TNK2: variants seen among roughly 807,000 people sequenced by gnomAD.
The protein encoded by TNK2 is tyrosine kinase non receptor 2, also known as activated CDC42 kinase 1.
In TNK2, 83 loss-of-function variants were observed where a neutral mutation model predicts 101.8. That is an observed-to-expected ratio of 0.82 (90% CI 0.68 to 0.98). TNK2 has a LOEUF of 0.98. Among genes scored for constraint, TNK2 ranks in the 50% least tolerant of loss-of-function variants. The pLI, the probability that TNK2 is intolerant of heterozygous loss-of-function variation, is 0.00. For synonymous variants in TNK2, 804 were observed against 633.0 expected (o/e 1.27, Z -4.06); for missense variants, 1,665 against 1,483.2 (o/e 1.12, Z -2.01).
At chr3:195,907,219 G>A (rs1397001550) in intron 1 of TNK2, among the ~76,000 whole-genome samples, 1 of 152,232 alleles carries the variant, frequency 6.6e-6, no homozygotes, top group Non-Finnish European at 1.5e-5. Flanking sequence ...AGAAGCGTCA[G>A]GCACCGTGGG....
chr3:195,868,261 G>C lies in TNK2; in HGVS notation c.2037C>G (p.Ser679Arg). The C allele has an allele frequency of 6.2e-7, 1 of 1,604,444 alleles. No individual in the cohort carries two copies. Among genetic ancestry groups the C allele is most frequent in the South Asian group, 1.1e-5 (1 of 91,054 alleles). Reference protein sequence around the residue: ...LVGAGVPAGPSQGQTNYAFVP... With the variant: ...LVGAGVPAGPRQGQTNYAFVP... Reference sequence around the variant, plus strand: ...CAAAGGCGTAGTTGGTCTGGCCCTGGCTGGGCCCGGCAGGGACCCCCGCGC... The same window carrying C: ...CAAAGGCGTAGTTGGTCTGGCCCTGCCTGGGCCCGGCAGGGACCCCCGCGC... Residue 679 changes from serine to arginine, a missense_variant, in exon 13 of 16, where the codon AGC becomes AGG. Ser to Arg is a moderately radical substitution (Grantham distance 110). Around this residue, in one of 3 missense-constraint regions of TNK2, gnomAD observed 1,136 missense variants for 894.9 expected, o/e 1.27. Coordinates refer to ENST00000672887, the MANE Select transcript of TNK2 (RefSeq NM_001382273.1).
intron 9 of TNK2, among the ~76,000 whole-genome samples, chr3:195,874,429 AG>A (rs1389225434): frequency 2.0e-5 from 3 of 152,242 alleles, no homozygotes; most frequent in African/African-American, 7.2e-5. Context: ...ACACCACTCG[AG>A]AAAACATGCT....
intron 1 of TNK2, among the ~76,000 whole-genome samples, chr3:195,891,243 C>T (rs1276913831): frequency 6.6e-6 from 1 of 152,164 alleles, no homozygotes; most frequent in Non-Finnish European, 1.5e-5. Flanking sequence ...CCCATCTCTA[C>T]TGAAAATAGA....
intron 4 of TNK2, chr3:195,884,446 C>T: frequency 5.5e-6 from 1 of 182,714 alleles, no homozygotes; most frequent in Non-Finnish European, 1.1e-5. Flanking sequence ...AGTTCGAGAC[C>T]AGCCTGGCCA....
chr3:195,880,190 G>C (rs1751598969), intron 6 of TNK2, among the ~76,000 whole-genome samples: 2 of 152,056 alleles, frequency 1.3e-5, no homozygotes, highest in Admixed American at 6.5e-5. Context: ...CCACACAGGG[G>C]CCAGGGCAGG....
chr3:195,892,084 G>C, intron 1 of TNK2: 1 of 847,402 alleles, frequency 1.2e-6, no homozygotes, highest in Non-Finnish European at 1.5e-6. Context: ...TCCCCCTCCA[G>C]CCCAAGGTTC....
chr3:195,867,400 A>G lies in TNK2; in HGVS notation c.2898T>C (p.Asp966=). 1.9e-6 allele frequency: 3 copies of G among 1,605,312 alleles called. No homozygotes were observed. The highest frequency in any genetic ancestry group is 2.5e-6 in the Non-Finnish European group (3 of 1,178,378). ...ARLPQRGCPG[D]GPEAGRPADK... is the part of the protein sequence containing the mutation. The stretch of plus-strand genomic sequence containing the variant: ...CTGCTGGCCGGCCCGCCTCTGGCCC[A>G]TCGCCAGGGCAGCCCCTCTGTGGCA... The change falls in exon 13 of 16, where the codon GAT becomes GAC. Residue 966 remains aspartate, a synonymous_variant. Transcript: ENST00000672887.
chr3:195,873,315 G>A (rs1746751246), intron 9 of TNK2, among the ~76,000 whole-genome samples: 1 of 152,222 alleles, frequency 6.6e-6, no homozygotes, highest in South Asian at 2.1e-4. Flanking sequence ...GAAGCACAGG[G>A]CTCCCGCAAG....
chr3:195,875,424 C>T (rs1748462675), intron 9 of TNK2, among the ~76,000 whole-genome samples: 1 of 120,302 alleles, frequency 8.3e-6, no homozygotes. Flanking sequence ...ACAAGAAGCT[C>T]CCCCTCGGGA....
At chr3:195,876,376 A>G (rs1560500290) in intron 9 of TNK2, 1 of 454,958 alleles carries the variant, frequency 2.2e-6, no homozygotes, top group East Asian at 7.0e-5. Context: ...CACGGCGAAG[A>G]GAAGGCCAGG....
intron 11 of TNK2, 114 bp from the exon 12 acceptor site, chr3:195,869,655 A>C: frequency 5.5e-6 from 6 of 1,086,364 alleles, no homozygotes; most frequent in Non-Finnish European, 6.9e-6. Flanking sequence ...AGAGAAGTGA[A>C]TGGGGGCGAG....
chr3:195,867,324 C>T, intron 13 of TNK2, 37 bp downstream of exon 13: 1 of 1,609,684 alleles, frequency 6.2e-7, no homozygotes, highest in Non-Finnish European at 8.5e-7. Flanking sequence ...CCCTTGGGCC[C>T]TGCCCCGCTT....
At chr3:195,872,641 C>T (rs1009689877) in intron 9 of TNK2, 171 bp from the exon 10 acceptor site, 2 of 645,446 alleles carry the variant, frequency 3.1e-6, no homozygotes, top group Non-Finnish European at 2.6e-6. Flanking sequence ...CCCACCATGC[C>T]CCGTACAGGC....
Position 195,872,267 on chromosome 3 carries a change from A to C in TNK2, c.1451+9T>G, listed in dbSNP as rs1289993992. 6.2e-7 allele frequency: 1 copy of C among 1,613,156 alleles called. No homozygotes were observed. The highest frequency in any genetic ancestry group is 8.5e-7 in the Non-Finnish European group (1 of 1,179,818). On this transcript the variant is annotated intron_variant, in intron 10 of 15. Transcript: ENST00000672887. ...GCCAGGTCAGCATCCATCCCCGCCCAGTACTCACTCGTCAATCCTGTCCGG... is the reference window on the plus strand; with the variant it reads ...GCCAGGTCAGCATCCATCCCCGCCCCGTACTCACTCGTCAATCCTGTCCGG...
rs1190516213 is a variant in TNK2, at chr3:195,888,515, C to T, written c.74G>A (p.Arg25Gln). 2.5e-6 allele frequency: 4 copies of T among 1,613,594 alleles called. No homozygotes were observed. The highest frequency in any genetic ancestry group is 1.3e-5 in the African/African-American group (1 of 74,904). ...GGTGACGTTGAGGTCATCTCGGAGCCGCAGGAAGTACTGTTGCAGCTGCAC... is the reference window on the plus strand; with the variant it reads ...GGTGACGTTGAGGTCATCTCGGAGCTGCAGGAAGTACTGTTGCAGCTGCAC... ...SEVQLQQYFL[R>Q]LRDDLNVTRL... Residue 25 changes from arginine (R) to glutamine (Q), a missense_variant, in exon 2 of 16, where the codon CGG becomes CAG. Physicochemically the swap from Arg to Gln is conservative, Grantham distance 43 (BLOSUM62 1). This residue lies in a region of TNK2 where 490 missense variants were observed against 522.5 expected (regional missense o/e 0.94). Transcript: ENST00000672887. The surrounding 1 kb of genome is among the most constrained non-coding windows in gnomAD (Gnocchi z 5.3).
rs142527530 is a variant in TNK2 at position 195,903,102 on chromosome 3, G to A, written c.-19+5383C>T. 1.8e-3 allele frequency among the ~76,000 whole-genome samples: 266 copies of A among 148,626 alleles called. 1 individual carries two copies. Among genetic ancestry groups the A allele is most frequent in the African/African-American group, 6.4e-3 (256 of 40,124 alleles). ...TGTGACAGAGTCGGAATGCAGTGGC[G>A]CCATCTCGGCTTACTGCAACCTCCA... On this transcript the variant is annotated intron_variant, in intron 1 of 15. Transcript: ENST00000672887.
rs1250415497 is a variant in TNK2 at position 195,863,938 on chromosome 3, G to A, written c.*243C>T. On this transcript the variant is annotated 3_prime_UTR_variant, in exon 16 of 16. Coordinates refer to ENST00000672887, the MANE Select transcript of TNK2 (RefSeq NM_001382273.1). ...GCAGCCCTCAAGCCTGTCTTCACCCGGCCCCTTCCACATCTTGGCAGGGGC... is the reference window on the plus strand; with the variant it reads ...GCAGCCCTCAAGCCTGTCTTCACCCAGCCCCTTCCACATCTTGGCAGGGGC... The A allele has an allele frequency of 2.5e-5, 13 of 516,516 alleles. No homozygotes were observed. The highest frequency in any genetic ancestry group is 6.0e-5 in the East Asian group (2 of 33,368). 32.0% of individuals were successfully genotyped at this position (516,516 alleles called of 1,614,324 possible). A position where few individuals can be genotyped will look rare whatever the true frequency, so the allele number is the denominator to read the frequency against.
intron 1 of TNK2, among the ~76,000 whole-genome samples, chr3:195,900,749 G>T (rs553836623): frequency 1.3e-4 from 20 of 152,334 alleles, no homozygotes; most frequent in African/African-American, 4.1e-4. Flanking sequence ...TGCCTGTCCT[G>T]CCCATGCACT....
rs1042497566 is a variant in TNK2 at position 195,872,643 on chromosome 3, C to T, written c.1257-173G>A. 27 of 645,970 alleles carry T rather than the reference C, an allele frequency of 4.2e-5. No homozygotes were observed. In the South Asian group the frequency reaches 4.4e-4, roughly 10 times the overall value. 40.0% of individuals were successfully genotyped at this position (645,970 alleles called of 1,614,324 possible). On this transcript the variant is annotated intron_variant, in intron 9 of 15. Coordinates refer to ENST00000672887, the MANE Select transcript of TNK2 (RefSeq NM_001382273.1). ...ACAGCCCCCGTGACCCACCATGCCC[C>T]GTACAGGCCTGTTTGCACACGGCCT...
Sources: gnomAD v4.1 joint callset for allele counts (sites outside exome capture counted in the v4.1 genomes callset) on GRCh38, gnomAD v4.1.1 for gene constraint, gnomAD v4.1.1 regional missense constraint, Gnocchi (gnomAD v3.1) non-coding constraint, MANE v1.5 for transcripts, NCBI Gene and HGNC (gene_info 2026-07-23, HGNC 2026-07-21) for gene names.